The following HELZ2 variants were observed in gnomAD, a reference collection of about 807,000 sequenced individuals.
HELZ2 encodes the protein 3'-5' exoribonuclease HELZ2.
A neutral mutation model predicts 208.8 loss-of-function variants in HELZ2; 143 were observed. That is an observed-to-expected ratio of 0.68 (90% CI 0.60 to 0.79). HELZ2 has a LOEUF of 0.79. Among genes scored for constraint, HELZ2 ranks in the 30% least tolerant of loss-of-function variants. HELZ2 has a pLI of 0.00. For missense variants in HELZ2, 3,690 were observed against 3,794.5 expected (o/e 0.97, Z 0.72); for synonymous variants, 1,705 against 1,693.7 (o/e 1.01, Z -0.16).
At chr20:63,568,686 C>G (rs944496965) in exon 5 of HELZ2, 2 of 1,606,024 alleles carry the variant, frequency 1.2e-6, no homozygotes, top group Non-Finnish European at 1.7e-6. Flanking sequence ...AACTGCACCT[C>G]CAGGACCAGG....
Position 63,568,881 on chromosome 20 carries a change from G to T in HELZ2, c.1207C>A (p.Pro403Thr), listed in dbSNP as rs1385997287. Residue 403 changes from proline (P) to threonine (T), a missense_variant, in exon 5 of 19, where the codon CCA becomes ACA. Physicochemically the swap from Pro to Thr is conservative, Grantham distance 38 (BLOSUM62 -1). Transcript: ENST00000467148. ...AGCAGGAAGCCCTGGTCTGTGTCTG[G>T]CATCAGGGAGGAGGGGACGGGGACC... 3 of 1,611,790 alleles carry T rather than the reference G, an allele frequency of 1.9e-6. No individual in the cohort carries two copies. The highest frequency in any genetic ancestry group is 2.5e-6 in the Non-Finnish European group (3 of 1,179,944).
chr20:63,565,110 G>A (rs1440541344), exon 8 of HELZ2: 1 of 1,568,042 alleles, frequency 6.4e-7, no homozygotes, highest in Admixed American at 1.9e-5. Flanking sequence ...CTGTAGATGG[G>A]GACCTGCGAT....
exon 13 of HELZ2, chr20:63,561,440 C>A: frequency 6.2e-7 from 1 of 1,611,396 alleles, no homozygotes; most frequent in South Asian, 1.1e-5. Flanking sequence ...GGGGGCCTGC[C>A]GGATCCGGTG....
exon 19 of HELZ2, chr20:63,559,333 A>G: frequency 6.2e-7 from 1 of 1,603,236 alleles, no homozygotes; most frequent in Non-Finnish European, 8.5e-7. Context: ...CCAGGAGGCT[A>G]CGCCAGAGGG....
At position 63,563,232 on chromosome 20, in the gene HELZ2, G is replaced by A. The variant is rs769637908; in HGVS notation, c.5590C>T (p.Arg1864Trp). 4.1e-5 allele frequency: 64 copies of A among 1,565,040 alleles called. 1 individual carries two copies. The highest frequency in any genetic ancestry group is 3.9e-4 in the South Asian group (34 of 87,172). ...TCCAGGAAATGGCCACAGTGGCTCC[G>A]CTGCACCTGCACCAGCTCCCGCCGC... is the stretch of plus-strand genomic sequence containing the variant. Residue 1864 changes from arginine to tryptophan, a missense_variant, in exon 8 of 19, where the codon CGG becomes TGG. Arg to Trp is a moderately radical substitution (Grantham distance 101). Transcript: ENST00000467148.
In HELZ2 at chr20:63,567,478, C is replaced by T. The variant is rs755589046; in HGVS notation, c.1880G>A (p.Arg627His). The change falls in exon 6 of 19, where the codon CGC becomes CAC. Residue 627 changes from arginine (R) to histidine (H), a missense_variant. Coordinates refer to ENST00000467148, the Ensembl canonical transcript of HELZ2. ...CCGTGTGGGCGGGCGGAAAGCCTGG[C>T]GGTCGTCGGTCAGGCAACAGTACTG... is the stretch of plus-strand genomic sequence containing the variant. 57 of 1,555,432 alleles carry T rather than the reference C, an allele frequency of 3.7e-5. No individual in the cohort carries two copies. The East Asian group carries it at 5.6e-4, about 15-fold the overall frequency.
exon 8 of HELZ2, chr20:63,565,891 G>A: frequency 1.3e-6 from 2 of 1,597,324 alleles, no homozygotes; most frequent in Non-Finnish European, 1.7e-6. Context: ...CTGGCTCTGG[G>A]GCAGCCTCCC....
chr20:63,571,108 C>T (rs529326604), intron 1 of HELZ2: 7 of 486,304 alleles, frequency 1.4e-5, no homozygotes, highest in Admixed American at 7.3e-5. Context: ...GGGAGGCCCC[C>T]GTCCACTGAA....
At chr20:63,570,805 C>T (rs768445833) in exon 2 of HELZ2, 5 of 1,610,906 alleles carry the variant, frequency 3.1e-6, no homozygotes, top group East Asian at 4.5e-5. Flanking sequence ...GCCGGACCCA[C>T]TCCTGCAGCT....
At chr20:63,570,574 T>C (rs561373952) in exon 3 of HELZ2, 3 of 1,613,156 alleles carry the variant, frequency 1.9e-6, no homozygotes, top group East Asian at 4.5e-5. Flanking sequence ...CAGGGGCTGG[T>C]TGCAGGTGAC....
chr20:63,559,489 C>A, intron 18 of HELZ2, 119 bp from the exon 20 acceptor site: 1 of 473,724 alleles, frequency 2.1e-6, no homozygotes, highest in Non-Finnish European at 3.4e-6. Flanking sequence ...GAGTCAGGGT[C>A]AGGTGGGAGG....
Position 63,560,460 on chromosome 20 carries a change from A to C in HELZ2, c.7500+19T>G, listed in dbSNP as rs1569027727. 5 of 1,604,890 alleles carry C rather than the reference A, an allele frequency of 3.1e-6. No individual in the cohort carries two copies. Among genetic ancestry groups the C allele is most frequent in the South Asian group, 2.2e-5 (2 of 91,010 alleles). Reference sequence around the variant, plus strand: ...TCCTCCAGAAAGCCCTCCCTGACTCACAGGCACCAGACACTCACCACCTCA... The same window carrying C: ...TCCTCCAGAAAGCCCTCCCTGACTCCCAGGCACCAGACACTCACCACCTCA... On this transcript the variant is annotated intron_variant, in intron 16 of 18. Transcript: ENST00000467148.
exon 1 of HELZ2, chr20:63,572,335 C>T (rs1569039335): frequency 6.3e-7 from 1 of 1,577,446 alleles, no homozygotes; most frequent in Non-Finnish European, 8.6e-7. Context: ...GGGGTGTGAG[C>T]AGGTCCCCCC....
In HELZ2 at chr20:63,560,291, C is replaced by T. The variant is rs145153091; in HGVS notation, c.7537G>A (p.Val2513Ile). The T allele has an allele frequency of 6.0e-5, 93 of 1,558,960 alleles. No individual in the cohort carries two copies. Among genetic ancestry groups the T allele is most frequent in the African/African-American group, 2.8e-4 (21 of 73,898 alleles). Residue 2513 changes from valine to isoleucine, a missense_variant, in exon 17 of 19, where the codon GTA (valine) becomes ATA (isoleucine). Physicochemically the swap from Val to Ile is conservative, Grantham distance 29 (BLOSUM62 3). Transcript: ENST00000467148. ...AGGACGGCGATGTCCTGGGGCTCTA[C>T]GGTCCTCCCCAGGGTCAGCTGCTTG...
chr20:63,561,421 G>C lies in HELZ2; in HGVS notation c.6882C>G (p.Tyr2294Ter), dbSNP rs1197386712. The C allele has an allele frequency of 1.2e-6, 2 of 1,612,676 alleles. No homozygotes were observed. Among genetic ancestry groups the C allele is most frequent in the Admixed American group, 1.7e-5 (1 of 59,948 alleles). ...TGTCAAAGGCCTTGATTTCCGACGA[G>C]TAAGGGTTGGGGGCCTGCCGGATCC... is the stretch of plus-strand genomic sequence containing the variant. The change falls in exon 13 of 19, where the codon TAC (tyrosine) becomes TAG (stop). Residue 2294 changes from tyrosine (Y) to a stop codon, truncating the protein, a stop_gained. Coordinates refer to ENST00000467148, the Ensembl canonical transcript of HELZ2. LOFTEE classifies it high-confidence loss of function.
exon 8 of HELZ2, chr20:63,565,131 G>C: frequency 6.3e-7 from 1 of 1,578,058 alleles, no homozygotes; most frequent in East Asian, 2.3e-5. Context: ...GGGTCCTTCA[G>C]CTCGGCCACG....
chr20:63,561,517 CAGAGCTCAGTG>C, intron 12 of HELZ2, 51 bp from the exon 14 acceptor site: 1 of 1,577,144 alleles, frequency 6.3e-7, no homozygotes, highest in South Asian at 1.2e-5. Flanking sequence ...ATCACGGGGG[CAGAGCTCAGTG>C]AGACCCACCT....
exon 8 of HELZ2, chr20:63,564,826 G>T (rs1402758750): frequency 1.9e-5 from 31 of 1,610,304 alleles, no homozygotes; most frequent in Non-Finnish European, 2.5e-5. Context: ...CCTCTCGGCG[G>T]CCGGCAACCC....
intron 7 of HELZ2, 36 bp from the exon 9 acceptor site, chr20:63,566,267 G>T (rs1307352605): frequency 6.7e-7 from 1 of 1,487,162 alleles, no homozygotes. Flanking sequence ...GGCTGGGTGC[G>T]CAAGACGGTG....
Sources: allele counts gnomAD v4.1 joint callset, GRCh38; gene constraint gnomAD v4.1.1; transcripts MANE v1.5; gene names NCBI Gene and HGNC (gene_info 2026-07-23, HGNC 2026-07-21).